SLC35D2: variants seen among roughly 807,000 people sequenced by gnomAD.
The protein encoded by SLC35D2 is nucleotide sugar transporter SLC35D2.
A neutral mutation model predicts 41.8 loss-of-function variants in SLC35D2; 43 were observed. That is an observed-to-expected ratio of 1.03 (90% CI 0.81 to 1.33). The LOEUF is 1.33. SLC35D2 is among the 40% of genes most tolerant of loss of function. The probability of loss-of-function intolerance (pLI) is 0.00; values close to 1 mark genes in which losing one functional copy is unlikely to be tolerated. For missense variants in SLC35D2, 380 were observed against 408.4 expected, an observed-to-expected ratio of 0.93 and a Z score of 0.60; for synonymous variants, 150 against 163.9, an observed-to-expected ratio of 0.92 and a Z score of 0.65.
chr9:96,351,819 T>C (rs1829826172), intron 5 of SLC35D2, among the ~76,000 whole-genome samples: 1 of 152,204 alleles, frequency 6.6e-6, no homozygotes, highest in Admixed American at 6.5e-5. Flanking sequence ...TACGATTTTC[T>C]ACCACAAACA....
intron 3 of SLC35D2, among the ~76,000 whole-genome samples, chr9:96,361,855 C>T (rs1291004278): frequency 2.0e-5 from 3 of 152,118 alleles, no homozygotes; most frequent in Non-Finnish European, 2.9e-5. Context: ...GCACTTTGGT[C>T]CTGGACTTCC....
chr9:96,377,122 G>A lies in SLC35D2; in HGVS notation c.158+6355C>T, dbSNP rs542920164. 1.8e-3 allele frequency among the ~76,000 whole-genome samples: 277 copies of A among 151,764 alleles called. 4 individuals carry two copies. Among genetic ancestry groups the A allele is most frequent in the Non-Finnish European group, 9.1e-4 (62 of 67,926 alleles). On this transcript the variant is annotated intron_variant, in intron 1 of 11. Coordinates refer to ENST00000253270, the MANE Select transcript of SLC35D2 (RefSeq NM_007001.3). ...AGGCACAGTCACAGCAGCGAGAAGG[G>A]ACTGAGGAGGAGGCCTGGGGAAGCC...
At chr9:96,374,213 A>G (rs1191049509) in intron 1 of SLC35D2, 1 of 152,228 alleles carries the variant, frequency 6.6e-6, no homozygotes, top group Non-Finnish European at 1.5e-5. Flanking sequence ...AATAGCTTCT[A>G]TAATATGAAT....
intron 8 of SLC35D2, among the ~76,000 whole-genome samples, chr9:96,340,196 G>A (rs1829249734): frequency 6.6e-6 from 1 of 152,196 alleles, no homozygotes; most frequent in South Asian, 2.1e-4. Flanking sequence ...ACAGAGCAAT[G>A]TTAGTAGTGG....
chr9:96,361,147 CA>C (rs1830257014), intron 3 of SLC35D2, among the ~76,000 whole-genome samples: 2 of 152,298 alleles, frequency 1.3e-5, no homozygotes, highest in South Asian at 4.1e-4. Context: ...CCATGAAGAA[CA>C]GTTCAACGAT....
chr9:96,338,159 T>C (rs1253659033), intron 8 of SLC35D2, among the ~76,000 whole-genome samples: 1 of 152,200 alleles, frequency 6.6e-6, no homozygotes, highest in African/African-American at 2.4e-5. Flanking sequence ...TGCCCGTAAG[T>C]ATGTGCTCAA....
chr9:96,383,676 T>A lies in SLC35D2; in HGVS notation c.-42A>T. On this transcript the variant is annotated 5_prime_UTR_variant, in exon 1 of 12. Coordinates refer to ENST00000253270, the MANE Select transcript of SLC35D2 (RefSeq NM_007001.3). ...GACCCCGCCGCCCGCCAGCCCCGGC[T>A]GCGCACTGGTCCCGCCCGGCCGGGC... 2.0e-6 allele frequency: 2 copies of A among 995,838 alleles called. No homozygotes were observed. Among genetic ancestry groups the A allele is most frequent in the South Asian group, 9.0e-5 (2 of 22,106 alleles). 61.7% of individuals were successfully genotyped at this position (995,838 alleles called of 1,614,324 possible). A position where few individuals can be genotyped will look rare whatever the true frequency, so the allele number is the denominator to read the frequency against.
At chr9:96,334,874 T>C (rs151058905) in intron 9 of SLC35D2, among the ~76,000 whole-genome samples, 135 of 152,276 alleles carry the variant, frequency 8.9e-4, no homozygotes, top group Middle Eastern at 3.4e-3. Flanking sequence ...AATGAACAGA[T>C]ACGTTTGGGA....
intron 9 of SLC35D2, among the ~76,000 whole-genome samples, chr9:96,328,405 C>T (rs1177149895): frequency 6.6e-6 from 1 of 152,156 alleles, no homozygotes; most frequent in African/African-American, 2.4e-5. Flanking sequence ...TGTGAGCCAC[C>T]ACGCCCAGCG....
rs1564080827 is a variant in SLC35D2, at chr9:96,321,258, A to C, written c.998T>G (p.Leu333Trp). 6.2e-7 allele frequency: 1 copy of C among 1,613,622 alleles called. No homozygotes were observed. Among genetic ancestry groups the C allele is most frequent in the Admixed American group, 1.7e-5 (1 of 60,010 alleles). ...GCAGACTCTTTAGCTCTTCAAATCC[A>C]AACAGATGTTTTCTTCACCCACAGG... Reference protein sequence around the residue: ...PKPVGEENICLDLKS With the variant: ...PKPVGEENICWDLKS The change falls in exon 12 of 12, where the codon TTG becomes TGG. Residue 333 changes from leucine to tryptophan, a missense_variant. Physicochemically the swap from Leu to Trp is moderately conservative, Grantham distance 61. Transcript: ENST00000253270.
In SLC35D2 at chr9:96,327,624, CT is replaced by C. The variant is rs772967356; in HGVS notation, c.753-3456del. Among the ~76,000 whole-genome samples, 739 of 142,652 alleles carry C rather than the reference CT, an allele frequency of 5.2e-3. 2 individuals carry two copies. The highest frequency in any genetic ancestry group is 7.7e-3 in the African/African-American group (301 of 39,144). 93.6% of individuals were successfully genotyped at this position (142,652 alleles called of 152,430 possible). On this transcript the variant is annotated intron_variant, in intron 9 of 11. Transcript: ENST00000253270. ...GCACTTCTTTTTTCTTTTTCTTTTT[CT>C]TTTTTTTTTTTTTAAAGATGGGGTC...
At chr9:96,378,732 T>G (rs1303227215) in intron 1 of SLC35D2, among the ~76,000 whole-genome samples, 1 of 151,752 alleles carries the variant, frequency 6.6e-6, no homozygotes, top group African/African-American at 2.4e-5. Flanking sequence ...GAGCAAAACC[T>G]CGTCTCTACA....
chr9:96,363,555 A>G (rs148615676), intron 3 of SLC35D2, among the ~76,000 whole-genome samples: 396 of 152,350 alleles, frequency 2.6e-3, no homozygotes, highest in African/African-American at 9.3e-3. Context: ...ACTGTTCAAC[A>G]AACGTTAGTT....
chr9:96,340,488 C>T (rs1352715104), intron 8 of SLC35D2, among the ~76,000 whole-genome samples: 1 of 151,238 alleles, frequency 6.6e-6, no homozygotes, highest in African/African-American at 2.4e-5. Flanking sequence ...ATCATGGTGG[C>T]GGGCGCCTGT....
intron 6 of SLC35D2, 78 bp from the exon 7 acceptor site, chr9:96,345,479 T>C: frequency 1.3e-6 from 1 of 791,848 alleles, no homozygotes; most frequent in South Asian, 1.5e-5. Flanking sequence ...GATCTACCTT[T>C]CCCTAATCAA....
In SLC35D2 at chr9:96,352,077, G is replaced by A; in HGVS notation, c.380C>T (p.Thr127Ile). 1 of 1,612,674 alleles carries A rather than the reference G, an allele frequency of 6.2e-7. No individual in the cohort carries two copies. The highest frequency in any genetic ancestry group is 8.5e-7 in the Non-Finnish European group (1 of 1,179,216). ...LPMFTVLRKFTIPLTLLLETI... is the reference protein window; with the variant it reads ...LPMFTVLRKFIIPLTLLLETI... ...TTCCAGAAGTAAGGTAAGTGGAATG[G>A]TGAATTTCCTGAGCACGGTGAACAT... The change falls in exon 5 of 12, where the codon ACC becomes ATC. Residue 127 changes from threonine to isoleucine, a missense_variant. Coordinates refer to ENST00000253270, the MANE Select transcript of SLC35D2 (RefSeq NM_007001.3).
intron 9 of SLC35D2, among the ~76,000 whole-genome samples, chr9:96,335,723 A>G (rs1829019458): frequency 6.6e-6 from 1 of 152,102 alleles, no homozygotes; most frequent in Admixed American, 6.5e-5. Flanking sequence ...GACACAAACT[A>G]TATGGTCTCT....
rs757138833 is a variant in SLC35D2 at position 96,360,221 on chromosome 9, G to T, written c.280C>A (p.Leu94Met). The T allele has an allele frequency of 2.2e-5, 35 of 1,606,752 alleles. No homozygotes were observed. Among genetic ancestry groups the T allele is most frequent in the Non-Finnish European group, 2.8e-5 (33 of 1,175,926 alleles). Residue 94 changes from leucine (L) to methionine (M), a missense_variant and splice_region_variant, in exon 4 of 12, where the codon CTG (leucine) becomes ATG (methionine). By Grantham distance (15) the Leu-to-Met change is conservative. Coordinates refer to ENST00000253270, the MANE Select transcript of SLC35D2 (RefSeq NM_007001.3). Reference sequence around the variant, plus strand: ...ACGTAGAGGAGAGGCAGAGGAAACAGCTTCCATTAAAAAAAAAAGAAGAAA... The same window carrying T: ...ACGTAGAGGAGAGGCAGAGGAAACATCTTCCATTAAAAAAAAAAGAAGAAA... Reference protein sequence around the residue: ...PDFDKKIPVKLFPLPLLYVGN... With the variant: ...PDFDKKIPVKMFPLPLLYVGN...
intron 1 of SLC35D2, among the ~76,000 whole-genome samples, chr9:96,376,429 ACC>A (rs1246310010): frequency 6.6e-6 from 1 of 150,932 alleles, no homozygotes; most frequent in Admixed American, 6.6e-5. Context: ...ATATGGTGAA[ACC>A]CCGTCTCTAC....
Sources: gnomAD v4.1 joint callset for allele counts (sites outside exome capture counted in the v4.1 genomes callset) on GRCh38, gnomAD v4.1.1 for gene constraint, MANE v1.5 for transcripts, NCBI Gene and HGNC (gene_info 2026-07-23, HGNC 2026-07-21) for gene names.